Variants in SLIT3 observed in about 807,000 individuals in gnomAD.
SLIT3 encodes the protein slit homolog 3 protein.
A neutral mutation model predicts 184.0 loss-of-function variants in SLIT3; 68 were observed. The observed-to-expected ratio is 0.37, with a 90% CI of 0.30 to 0.45. The LOEUF is 0.45. Ranked by LOEUF, SLIT3 falls within the 20% of genes least tolerant of loss-of-function variation. The probability of loss-of-function intolerance (pLI) is 1.00; values close to 1 mark genes in which losing one functional copy is unlikely to be tolerated. For missense variants in SLIT3, 1,707 were observed against 2,026.0 expected, an observed-to-expected ratio of 0.84 and a Z score of 3.02; for synonymous variants, 831 against 828.6, an observed-to-expected ratio of 1.00 and a Z score of -0.05.
intron 4 of SLIT3, among the ~76,000 whole-genome samples, chr5:169,138,053 G>C (rs1235236393): frequency 6.6e-6 from 1 of 152,136 alleles, no homozygotes; most frequent in Non-Finnish European, 1.5e-5. Flanking sequence ...CACATCTGTG[G>C]GCCAATTACA....
At chr5:168,881,612 C>T (rs983666307) in intron 5 of SLIT3, among the ~76,000 whole-genome samples, 18 of 152,168 alleles carry the variant, frequency 1.2e-4, no homozygotes, top group South Asian at 4.1e-4. Context: ...CATACCCTGA[C>T]GTTCTGGCAG....
chr5:168,860,780 A>G (rs774826296), intron 5 of SLIT3, among the ~76,000 whole-genome samples: 16 of 152,190 alleles, frequency 1.1e-4, no homozygotes, highest in Non-Finnish European at 1.3e-4. Context: ...GAATTATTCA[A>G]ACTAGCCATT....
At position 168,729,720 on chromosome 5, in the gene SLIT3, A is replaced by G. The variant is rs538756682; in HGVS notation, c.2271-5236T>C. ...AAAATATAAAACTCACAGTTCATAT[A>G]AAACAATTATACAAAGGAAGAAGAG... On this transcript the variant is annotated intron_variant, in intron 20 of 35. Transcript: ENST00000519560. Among the ~76,000 whole-genome samples the G allele has an allele frequency of 2.6e-5, 4 of 152,274 alleles. No homozygotes were observed. In the South Asian group the frequency reaches 8.3e-4, roughly 32 times the overall value.
intron 4 of SLIT3, among the ~76,000 whole-genome samples, chr5:169,060,818 G>C (rs1758152511): frequency 6.6e-6 from 1 of 152,160 alleles, no homozygotes; most frequent in Non-Finnish European, 1.5e-5. Context: ...CTTGAAGCTG[G>C]GTTTAGAAAA....
At chr5:168,850,052 T>C (rs1758615420) in intron 5 of SLIT3, among the ~76,000 whole-genome samples, 1 of 152,162 alleles carries the variant, frequency 6.6e-6, no homozygotes, top group African/African-American at 2.4e-5. Context: ...TGTCTGCTGC[T>C]AGCTGGGGTC....
intron 4 of SLIT3, among the ~76,000 whole-genome samples, chr5:169,053,012 C>T (rs1037108999): frequency 1.3e-5 from 2 of 152,176 alleles, no homozygotes; most frequent in Admixed American, 6.5e-5. Flanking sequence ...GTTGAGCTAT[C>T]GGCACCGGAT....
Position 168,722,274 on chromosome 5 carries a change from A to G in SLIT3, c.2465T>C (p.Leu822Pro). ...RCIPVHAFNG[L>P]RSLRVLTLHG... The stretch of plus-strand genomic sequence containing the variant: ...TACTCACAGCACTCGCAGGGACCGC[A>G]GCCCGTTGAAGGCGTGGACGGGGAT... The change falls in exon 23 of 36, where the codon CTG becomes CCG. Residue 822 changes from leucine (L) to proline (P), a missense_variant. This residue lies in a region of SLIT3 where 1,307 missense variants were observed against 1,511.6 expected (regional missense o/e 0.86). Coordinates refer to ENST00000519560, the MANE Select transcript of SLIT3 (RefSeq NM_003062.4). The G allele has an allele frequency of 6.2e-7, 1 of 1,614,136 alleles. No individual in the cohort carries two copies. The highest frequency in any genetic ancestry group is 8.5e-7 in the Non-Finnish European group (1 of 1,180,018).
rs189594178 is a variant in SLIT3 at position 169,235,992 on chromosome 5, C to T, written c.341+8713G>A. Reference sequence around the variant, plus strand: ...CATAGAACTCTTTCGAAGGAAGTGTCTCTGTGAAGTCCACATTTAAGGAAC... The same window carrying T: ...CATAGAACTCTTTCGAAGGAAGTGTTTCTGTGAAGTCCACATTTAAGGAAC... On this transcript the variant is annotated intron_variant, in intron 3 of 35. Coordinates refer to ENST00000519560, the MANE Select transcript of SLIT3 (RefSeq NM_003062.4). Among the ~76,000 whole-genome samples, 32 of 152,300 alleles carry T rather than the reference C, an allele frequency of 2.1e-4. No homozygotes were observed. The East Asian group carries it at 5.8e-3, about 28-fold the overall frequency.
chr5:168,772,756 G>C (rs372488734), intron 14 of SLIT3, 25 bp downstream of exon 14: 3 of 1,613,580 alleles, frequency 1.9e-6, no homozygotes, highest in African/African-American at 2.7e-5. Flanking sequence ...TCAGAAAGCG[G>C]GGCCCAGCCC....
chr5:168,831,002 T>C (rs1305749637), intron 6 of SLIT3, among the ~76,000 whole-genome samples: 4 of 151,676 alleles, frequency 2.6e-5, no homozygotes, highest in Non-Finnish European at 5.9e-5. Context: ...ACAGCCCTCC[T>C]CCTGTCCAAG....
At chr5:169,010,670 G>A (rs994401494) in intron 4 of SLIT3, among the ~76,000 whole-genome samples, 1 of 152,152 alleles carries the variant, frequency 6.6e-6, no homozygotes, top group African/African-American at 2.4e-5. Context: ...GGGAGGCTGA[G>A]GTGGGCAGAC....
chr5:169,149,618 G>A (rs1433889258), intron 4 of SLIT3, among the ~76,000 whole-genome samples: 1 of 152,224 alleles, frequency 6.6e-6, no homozygotes, highest in Non-Finnish European at 1.5e-5. Flanking sequence ...AAGTGAAGAG[G>A]AGGAAATTGA....
intron 20 of SLIT3, among the ~76,000 whole-genome samples, chr5:168,734,288 T>C (rs555321839): frequency 1.1e-4 from 17 of 152,358 alleles, no homozygotes; most frequent in Middle Eastern, 3.4e-3. Flanking sequence ...GCCTACCCAG[T>C]TGAGACAGGA....
chr5:168,686,930 T>C (rs754203140), intron 30 of SLIT3, 49 bp downstream of exon 30: 4 of 1,598,162 alleles, frequency 2.5e-6, no homozygotes, highest in Non-Finnish European at 3.4e-6. Flanking sequence ...CCCCAGCCCC[T>C]GCCACCTGGC....
chr5:169,198,815 C>T (rs1384348925), intron 3 of SLIT3, among the ~76,000 whole-genome samples: 2 of 151,940 alleles, frequency 1.3e-5, no homozygotes, highest in African/African-American at 4.8e-5. Flanking sequence ...ATCTGTAATC[C>T]CCGCTACTCG....
chr5:169,141,732 C>CT (rs1761747495), intron 4 of SLIT3, among the ~76,000 whole-genome samples: 1 of 141,342 alleles, frequency 7.1e-6, no homozygotes. Context: ...GAGTGAGACT[C>CT]TGTCTCAAAA....
intron 6 of SLIT3, among the ~76,000 whole-genome samples, chr5:168,844,332 G>A (rs1293451494): frequency 6.6e-6 from 1 of 151,880 alleles, no homozygotes; most frequent in Non-Finnish European, 1.5e-5. Context: ...AGACTCAATT[G>A]AGACTTAATT....
chr5:168,988,814 A>T (rs752534423), intron 4 of SLIT3, among the ~76,000 whole-genome samples: 1 of 152,148 alleles, frequency 6.6e-6, no homozygotes, highest in Non-Finnish European at 1.5e-5. Context: ...TGAGCCTCGA[A>T]AGCCTTCCTG....
At chr5:169,271,309 G>A (rs747426772) in intron 1 of SLIT3, among the ~76,000 whole-genome samples, 3 of 152,186 alleles carry the variant, frequency 2.0e-5, no homozygotes, top group Non-Finnish European at 4.4e-5. Flanking sequence ...CCCCATGCCT[G>A]CCTTTCTCCC....
Sources: allele counts gnomAD v4.1 joint callset (sites outside exome capture counted in the v4.1 genomes callset), GRCh38; gene constraint gnomAD v4.1.1; regional missense constraint gnomAD v4.1.1; transcripts MANE v1.5; gene names NCBI Gene and HGNC (gene_info 2026-07-23, HGNC 2026-07-21).